Variants in CNTN6 observed in about 807,000 individuals in gnomAD.
The protein encoded by CNTN6 is contactin-6.
In CNTN6, 137 loss-of-function variants were observed where a neutral mutation model predicts 122.8. That is an observed-to-expected ratio of 1.12 (90% CI 0.97 to 1.29). The LOEUF is 1.29. Among genes scored for constraint, CNTN6 ranks in the 50% most tolerant of loss-of-function variants. CNTN6 has a pLI of 0.00. For synonymous variants in CNTN6, 570 were observed against 426.0 expected, an observed-to-expected ratio of 1.34 and a Z score of -4.16; for missense variants, 1,634 against 1,223.4, an observed-to-expected ratio of 1.34 and a Z score of -5.01.
chr3:1,273,262 T>C (rs1030077660), intron 4 of CNTN6, among the ~76,000 whole-genome samples: 1 of 152,172 alleles, frequency 6.6e-6, no homozygotes, highest in Non-Finnish European at 1.5e-5. Flanking sequence ...TATGAGAATA[T>C]CTCCAAATAT....
In CNTN6 at chr3:1,327,498, G is replaced by A; in HGVS notation, c.1125G>A (p.Met375Ile). 1 of 1,610,960 alleles carries A rather than the reference G, an allele frequency of 6.2e-7. No individual in the cohort carries two copies. ...AAAATGGGACACTCATCATAACGATGCTGAATGTGTCAGATTCTGGTGTGT... is the reference window on the plus strand; with the variant it reads ...AAAATGGGACACTCATCATAACGATACTGAATGTGTCAGATTCTGGTGTGT... ...QIENGTLIIT[M>I]LNVSDSGVYQ... The change falls in exon 10 of 23, where the codon ATG becomes ATA. Residue 375 changes from methionine to isoleucine, a missense_variant. Met to Ile is a conservative substitution (Grantham distance 10). Coordinates refer to ENST00000446702, the MANE Select transcript of CNTN6 (RefSeq NM_001289080.2).
chr3:1,243,833 T>C (rs964498432), intron 4 of CNTN6, among the ~76,000 whole-genome samples: 1 of 151,858 alleles, frequency 6.6e-6, no homozygotes, highest in Non-Finnish European at 1.5e-5. Context: ...AATGAGCAGC[T>C]TGGGGAGGAC....
intron 2 of CNTN6, among the ~76,000 whole-genome samples, chr3:1,214,284 A>T (rs569658460): frequency 9.4e-5 from 13 of 137,580 alleles, no homozygotes; most frequent in Admixed American, 5.7e-4. Flanking sequence ...AATTGTTCAA[A>T]TGTGTTTGTT....
intron 7 of CNTN6, among the ~76,000 whole-genome samples, chr3:1,315,159 A>AC (rs142908679): frequency 1.3e-5 from 2 of 151,848 alleles, no homozygotes; most frequent in African/African-American, 4.8e-5. Flanking sequence ...CATTCTGAAG[A>AC]CCCCTTCAAA....
chr3:1,224,170 G>A (rs964310308), intron 3 of CNTN6, among the ~76,000 whole-genome samples: 1 of 152,054 alleles, frequency 6.6e-6, no homozygotes, highest in African/African-American at 2.4e-5. Flanking sequence ...AATATCATCT[G>A]ATCTCACTCA....
chr3:1,125,725 G>T (rs2092136573), intron 1 of CNTN6, among the ~76,000 whole-genome samples: 1 of 151,540 alleles, frequency 6.6e-6, no homozygotes, highest in African/African-American at 2.4e-5. Flanking sequence ...AGAGTTGGCT[G>T]TGATGTGAAT....
chr3:1,245,211 TATATATATA>T (rs2094545571), intron 4 of CNTN6, among the ~76,000 whole-genome samples: 1 of 22,354 alleles, frequency 4.5e-5, no homozygotes, highest in Non-Finnish European at 7.2e-5. Context: ...TATATATATA[TATATATATA>T]TATATATATA....
intron 7 of CNTN6, among the ~76,000 whole-genome samples, chr3:1,301,266 A>ACCT (rs1697365532): frequency 6.6e-6 from 1 of 151,780 alleles, no homozygotes; most frequent in Non-Finnish European, 1.5e-5. Context: ...CTAACTCCTG[A>ACCT]CCTCCTGCTC....
chr3:1,190,182 G>A (rs1210687769), intron 2 of CNTN6, among the ~76,000 whole-genome samples: 1 of 152,106 alleles, frequency 6.6e-6, no homozygotes, highest in Non-Finnish European at 1.5e-5. Flanking sequence ...AGAAAGAGAG[G>A]GGAGTGGGAG....
intron 1 of CNTN6, among the ~76,000 whole-genome samples, chr3:1,109,652 A>G (rs1308407570): frequency 1.3e-5 from 2 of 151,974 alleles, no homozygotes; most frequent in Admixed American, 6.6e-5. Context: ...CTCTTAACAT[A>G]TTTGCAAAGA....
chr3:1,385,333 A>G (rs1166178651), intron 19 of CNTN6, among the ~76,000 whole-genome samples: 1 of 152,094 alleles, frequency 6.6e-6, no homozygotes, highest in Non-Finnish European at 1.5e-5. Flanking sequence ...AAAGCTGGTA[A>G]CCTTTAGATA....
At chr3:1,208,798 T>A (rs1173022551) in intron 2 of CNTN6, among the ~76,000 whole-genome samples, 1 of 124,654 alleles carries the variant, frequency 8.0e-6, no homozygotes, top group Non-Finnish European at 1.7e-5. Context: ...ATAAGATAAT[T>A]CATATTACAA....
intron 12 of CNTN6, among the ~76,000 whole-genome samples, chr3:1,367,947 A>G (rs1171279496): frequency 1.3e-5 from 2 of 152,192 alleles, no homozygotes; most frequent in South Asian, 2.1e-4. Context: ...ATTTGCAAAA[A>G]TATTAACTCT....
intron 20 of CNTN6, among the ~76,000 whole-genome samples, chr3:1,390,732 C>A (rs1401206954): frequency 6.6e-6 from 1 of 151,812 alleles, no homozygotes; most frequent in Non-Finnish European, 1.5e-5. Context: ...ATATCACCAC[C>A]AATCCCACAG....
At chr3:1,213,592 T>A (rs565709016) in intron 2 of CNTN6, among the ~76,000 whole-genome samples, 1 of 151,996 alleles carries the variant, frequency 6.6e-6, no homozygotes, top group African/African-American at 2.4e-5. Flanking sequence ...ATAAAAATTA[T>A]TAATATTGGG....
chr3:1,211,332 GT>G (rs2094034755), intron 2 of CNTN6, among the ~76,000 whole-genome samples: 1 of 152,138 alleles, frequency 6.6e-6, no homozygotes, highest in South Asian at 2.1e-4. Flanking sequence ...ATGACTTTTA[GT>G]TCTGTGTTCT....
intron 2 of CNTN6, among the ~76,000 whole-genome samples, chr3:1,180,205 G>C (rs554351309): frequency 4.3e-4 from 65 of 152,252 alleles, no homozygotes; most frequent in African/African-American, 1.1e-3. Flanking sequence ...AAATGAAAGA[G>C]AAGGAGAAAG....
chr3:1,277,136 G>A (rs1490307672), intron 4 of CNTN6, among the ~76,000 whole-genome samples: 1 of 152,112 alleles, frequency 6.6e-6, no homozygotes, highest in Non-Finnish European at 1.5e-5. Context: ...TATTATGGGA[G>A]AAGGAAGAAT....
chr3:1,319,231 CGATTA>C (rs777499894), intron 7 of CNTN6, among the ~76,000 whole-genome samples: 1 of 151,484 alleles, frequency 6.6e-6, no homozygotes, highest in Non-Finnish European at 1.5e-5. Flanking sequence ...GCAAAAGCCG[CGATTA>C]CTTTTGCACC....
Sources: allele counts gnomAD v4.1 joint callset (sites outside exome capture counted in the v4.1 genomes callset), GRCh38; gene constraint gnomAD v4.1.1; transcripts MANE v1.5; gene names NCBI Gene and HGNC (gene_info 2026-07-23, HGNC 2026-07-21).